The following UBXN7 variants were observed in gnomAD, a reference collection of about 807,000 sequenced individuals.
UBXN7 encodes the protein UBX domain protein 7.
Under a neutral mutation model 58.0 loss-of-function variants are expected in UBXN7, and 9 were observed. That is an observed-to-expected ratio of 0.16 (90% CI 0.09 to 0.27). The LOEUF is 0.27. Among genes scored for constraint, UBXN7 ranks in the 10% least tolerant of loss-of-function variants. UBXN7 has a pLI of 1.00. For synonymous variants in UBXN7, 208 were observed against 205.0 expected, an observed-to-expected ratio of 1.01 and a Z score of -0.12; for missense variants, 328 against 599.6, an observed-to-expected ratio of 0.55 and a Z score of 4.73.
chr3:196,423,281 C>G (rs1730745309), intron 1 of UBXN7: 1 of 153,490 alleles, frequency 6.5e-6, no homozygotes, highest in Non-Finnish European at 1.5e-5. Context: ...GTAAGTGTTT[C>G]CACGCCAGCA....
chr3:196,393,838 A>G, intron 3 of UBXN7: 1 of 353,804 alleles, frequency 2.8e-6, no homozygotes, highest in Non-Finnish European at 5.3e-6. Context: ...AAAACACTCA[A>G]GATTCATATG....
chr3:196,424,311 A>T (rs1005134937), intron 1 of UBXN7, among the ~76,000 whole-genome samples: 1 of 149,626 alleles, frequency 6.7e-6, no homozygotes. Context: ...TTCCTTCAGC[A>T]TTGTGTCCTG....
rs145707849 is a variant in UBXN7, at chr3:196,407,301, C to T, written c.166G>A (p.Ala56Thr). The T allele has an allele frequency of 1.2e-5, 19 of 1,614,054 alleles. No homozygotes were observed. The East Asian group carries it at 3.1e-4, about 27-fold the overall frequency. Residue 56 changes from alanine to threonine, a missense_variant, in exon 2 of 11, where the codon GCT becomes ACT. Ala to Thr is a moderately conservative substitution (Grantham distance 58). Around this residue, in one of 4 missense-constraint regions of UBXN7, gnomAD observed 106 missense variants for 124.3 expected, o/e 0.85. Transcript: ENST00000296328. ...GCTGAACTGGTACTGGGCTCTTCAG[C>T]GATTCCTCCACCATCCAAAAACATA... ...VTMFLDGGGI[A>T]EEPSTSSASV... is the part of the protein sequence containing the mutation.
intron 8 of UBXN7, among the ~76,000 whole-genome samples, chr3:196,367,191 G>GAA (rs71161921): frequency 4.4e-4 from 61 of 140,098 alleles, no homozygotes; most frequent in Admixed American, 1.3e-3. Flanking sequence ...TCAAAAAAAG[G>GAA]AAAAAAAAAA....
chr3:196,391,758 G>A (rs1729589963), intron 5 of UBXN7, 55 bp downstream of exon 5: 2 of 1,329,398 alleles, frequency 1.5e-6, no homozygotes, highest in African/African-American at 3.0e-5. Context: ...TTAAAAAAAG[G>A]CATTGAAAAT....
chr3:196,401,248 CAAAA>C (rs35766312), intron 3 of UBXN7, among the ~76,000 whole-genome samples: 4 of 2,272 alleles, frequency 1.8e-3, no homozygotes, highest in South Asian at 0.016. Context: ...CCCGTCTCTC[CAAAA>C]AAAAAAAAAA....
In UBXN7 at chr3:196,399,225, T is replaced by C. The variant is rs147977188; in HGVS notation, c.289+3727A>G. Among the ~76,000 whole-genome samples the C allele has an allele frequency of 2.2e-3, 340 of 152,370 alleles. 3 individuals carry two copies. Among genetic ancestry groups the C allele is most frequent in the African/African-American group, 7.8e-3 (324 of 41,586 alleles). The stretch of plus-strand genomic sequence containing the variant: ...CAAACAATATTTTAAAACTGTGTAC[T>C]CAAGGATCAGGATTTAATGAAATTA... On this transcript the variant is annotated intron_variant, in intron 3 of 10. Coordinates refer to ENST00000296328, the MANE Select transcript of UBXN7 (RefSeq NM_015562.2).
At chr3:196,406,737 C>T (rs1730175299) in intron 2 of UBXN7, among the ~76,000 whole-genome samples, 1 of 152,176 alleles carries the variant, frequency 6.6e-6, no homozygotes, top group South Asian at 2.1e-4. Flanking sequence ...AGCCACCGCG[C>T]CCAGCCTAGC....
In UBXN7 at chr3:196,393,718, G is replaced by GA. The variant is rs1477578323; in HGVS notation, c.290-100dup. The GA allele has an allele frequency of 9.0e-6, 11 of 1,225,228 alleles. No individual in the cohort carries two copies. The African/African-American group carries it at 1.4e-4, about 15-fold the overall frequency. The allele number at this position is 1,225,228 out of a possible 1,614,324, so 75.9% of individuals were successfully genotyped here. On this transcript the variant is annotated intron_variant, in intron 3 of 10. Coordinates refer to ENST00000296328, the MANE Select transcript of UBXN7 (RefSeq NM_015562.2). ...AAAGTATTTTTTTAATAAAACATATGAAACCCTTCACGAACTGCATGTCAC... is the reference window on the plus strand; with the variant it reads ...AAAGTATTTTTTTAATAAAACATATGAAAACCCTTCACGAACTGCATGTCAC...
chr3:196,377,174 C>A (rs1729055828), intron 5 of UBXN7, among the ~76,000 whole-genome samples: 1 of 152,098 alleles, frequency 6.6e-6, no homozygotes, highest in Non-Finnish European at 1.5e-5. Context: ...GGACACACAA[C>A]AGTCAAGAAA....
chr3:196,430,034 T>C (rs937567323), intron 1 of UBXN7, among the ~76,000 whole-genome samples: 1 of 152,170 alleles, frequency 6.6e-6, no homozygotes, highest in African/African-American at 2.4e-5. Flanking sequence ...AGAGTAGTAA[T>C]TAGCATAAGA....
chr3:196,391,237 G>A (rs561966084), intron 5 of UBXN7, among the ~76,000 whole-genome samples: 1 of 152,144 alleles, frequency 6.6e-6, no homozygotes, highest in South Asian at 2.1e-4. Flanking sequence ...TATCAAAATG[G>A]CAAAGATTCT....
chr3:196,407,119 A>G, intron 2 of UBXN7, 127 bp downstream of exon 2: 1 of 1,350,912 alleles, frequency 7.4e-7, no homozygotes, highest in Non-Finnish European at 9.9e-7. Flanking sequence ...TTTCCACTTC[A>G]TACTTTTTCA....
intron 6 of UBXN7, 96 bp from the exon 7 acceptor site, chr3:196,369,607 T>C (rs1560221232): frequency 1.2e-6 from 1 of 830,320 alleles, no homozygotes; most frequent in South Asian, 1.5e-5. Context: ...TCTCCAAATA[T>C]ACCTCCGGCC....
chr3:196,427,474 T>C (rs1441912287), intron 1 of UBXN7, among the ~76,000 whole-genome samples: 1 of 152,122 alleles, frequency 6.6e-6, no homozygotes, highest in Non-Finnish European at 1.5e-5. Context: ...TGCACCACCA[T>C]GCTCAGCTAA....
At chr3:196,398,124 C>T (rs1472550327) in intron 3 of UBXN7, among the ~76,000 whole-genome samples, 1 of 152,174 alleles carries the variant, frequency 6.6e-6, no homozygotes, top group African/African-American at 2.4e-5. Context: ...CTGGCTCTCT[C>T]ATTTGCTCTG....
chr3:196,366,905 G>T (rs1229955524), intron 8 of UBXN7, among the ~76,000 whole-genome samples: 1 of 151,906 alleles, frequency 6.6e-6, no homozygotes, highest in African/African-American at 2.4e-5. Context: ...AAAACAGGAC[G>T]GGCGCGTTAG....
chr3:196,380,618 G>A (rs1430581802), intron 5 of UBXN7, among the ~76,000 whole-genome samples: 2 of 152,250 alleles, frequency 1.3e-5, no homozygotes, highest in Middle Eastern at 3.2e-3. Flanking sequence ...TCATCTCACT[G>A]GGACTGGGTG....
chr3:196,382,203 T>A (rs921086384), intron 5 of UBXN7, among the ~76,000 whole-genome samples: 4 of 151,656 alleles, frequency 2.6e-5, no homozygotes, highest in Non-Finnish European at 5.9e-5. Context: ...TTCACCAAGG[T>A]TGAAATGAAG....
Sources: allele counts gnomAD v4.1 joint callset (sites outside exome capture counted in the v4.1 genomes callset), GRCh38; gene constraint gnomAD v4.1.1; regional missense constraint gnomAD v4.1.1; transcripts MANE v1.5; gene names NCBI Gene and HGNC (gene_info 2026-07-23, HGNC 2026-07-21).